Variants in AGBL1 observed in about 807,000 individuals in gnomAD.
The protein encoded by AGBL1 is AGBL carboxypeptidase 1.
AGBL1 carries 130 observed loss-of-function variants against 118.9 expected under a neutral mutation model. That is an observed-to-expected ratio of 1.09 (90% CI 0.95 to 1.26). The LOEUF is 1.26. AGBL1 is among the 50% of genes most tolerant of loss of function. The pLI is 0.00. For synonymous variants in AGBL1, 555 were observed against 478.9 expected (o/e 1.16, Z -2.08); for missense variants, 1,584 against 1,298.1 (o/e 1.22, Z -3.38).
chr15:87,004,735 T>C (rs900474381), intron 24 of AGBL1, among the ~76,000 whole-genome samples: 1 of 152,220 alleles, frequency 6.6e-6, no homozygotes, highest in Non-Finnish European at 1.5e-5. Flanking sequence ...GTCATTATGA[T>C]GTTAGCTGGT....
At chr15:86,151,240 T>C (rs1219912375) in intron 3 of AGBL1, among the ~76,000 whole-genome samples, 10 of 150,912 alleles carry the variant, frequency 6.6e-5, no homozygotes. Context: ...GCATGGCACG[T>C]GTATACATAT....
At chr15:86,814,980 T>C (rs552075898) in intron 22 of AGBL1, among the ~76,000 whole-genome samples, 1 of 152,336 alleles carries the variant, frequency 6.6e-6, no homozygotes, top group African/African-American at 2.4e-5. Context: ...TTTAGTTTCT[T>C]GTGTCCCTGT....
At chr15:86,511,274 A>AT (rs1477857470) in intron 18 of AGBL1, among the ~76,000 whole-genome samples, 2 of 152,036 alleles carry the variant, frequency 1.3e-5, no homozygotes, top group Admixed American at 1.3e-4. Context: ...CATCCCATCC[A>AT]TTTTTAAAAT....
chr15:86,262,707 C>T, intron 9 of AGBL1, 71 bp from the exon 10 acceptor site: 1 of 1,011,462 alleles, frequency 9.9e-7, no homozygotes, highest in Non-Finnish European at 1.5e-6. Flanking sequence ...GAAGCACATA[C>T]ATATCATGTC....
chr15:86,409,271 G>T (rs569699980), intron 18 of AGBL1, among the ~76,000 whole-genome samples: 120 of 152,288 alleles, frequency 7.9e-4, no homozygotes, highest in African/African-American at 2.8e-3. Context: ...AGCACTGAGG[G>T]CCCTGGTTCT....
intron 23 of AGBL1, among the ~76,000 whole-genome samples, chr15:86,985,103 T>C (rs2081268451): frequency 6.6e-6 from 1 of 152,352 alleles, no homozygotes; most frequent in Non-Finnish European, 1.5e-5. Flanking sequence ...AGTAGTACAT[T>C]GTGTAGATAT....
At chr15:86,582,842 C>T (rs1437040058) in intron 21 of AGBL1, among the ~76,000 whole-genome samples, 4 of 141,756 alleles carry the variant, frequency 2.8e-5, no homozygotes, top group Non-Finnish European at 6.0e-5. Context: ...AGGGGAACAT[C>T]ACACACCGGA....
intron 19 of AGBL1, among the ~76,000 whole-genome samples, chr15:86,527,807 C>T (rs921865084): frequency 6.6e-6 from 1 of 152,174 alleles, no homozygotes; most frequent in African/African-American, 2.4e-5. Flanking sequence ...AAGCAGTACC[C>T]TGAGAGCGTT....
At chr15:86,224,006 A>T (rs1444456689) in intron 5 of AGBL1, among the ~76,000 whole-genome samples, 1 of 152,118 alleles carries the variant, frequency 6.6e-6, no homozygotes, top group African/African-American at 2.4e-5. Flanking sequence ...AGCTCTGCTG[A>T]CATGTCTGTA....
chr15:87,026,131 A>G (rs568159864), intron 24 of AGBL1, among the ~76,000 whole-genome samples: 5 of 152,094 alleles, frequency 3.3e-5, no homozygotes, highest in Admixed American at 1.3e-4. Flanking sequence ...AAACACAAAT[A>G]CAATAATAAC....
rs1396777054 is a variant in AGBL1, at chr15:86,257,006, G to C, written c.889G>C (p.Asp297His). 6.8e-6 allele frequency: 11 copies of C among 1,613,596 alleles called. No homozygotes were observed. Among genetic ancestry groups the C allele is most frequent in the Non-Finnish European group, 8.5e-6 (10 of 1,179,792 alleles). The change falls in exon 8 of 23, where the codon GAT becomes CAT. Residue 297 changes from aspartate to histidine, a missense_variant. Transcript: ENST00000614907. The part of the protein sequence containing the change: ...PGCITTEPPH[D>H]LPEEDFEDDG... ...GTGCATCACCACTGAACCTCCACAT[G>C]ATCTACCTGAAGGTAAAATAAGTTG...
intron 22 of AGBL1, among the ~76,000 whole-genome samples, chr15:86,787,821 G>A (rs530175719): frequency 6.6e-6 from 1 of 152,004 alleles, no homozygotes; most frequent in Non-Finnish European, 1.5e-5. Flanking sequence ...GGTCACTTAG[G>A]TTTCTTCTTC....
intron 22 of AGBL1, among the ~76,000 whole-genome samples, chr15:86,749,525 T>C (rs1402071983): frequency 3.9e-5 from 6 of 152,034 alleles, no homozygotes; most frequent in Non-Finnish European, 7.4e-5. Context: ...CTAATTGCCC[T>C]GGCCAGAACT....
chr15:86,131,473 C>T (rs902312176), intron 1 of AGBL1, among the ~76,000 whole-genome samples: 1 of 151,966 alleles, frequency 6.6e-6, no homozygotes, highest in Non-Finnish European at 1.5e-5. Flanking sequence ...TTTCAAAATT[C>T]AATTTGTAAA....
chr15:86,394,228 G>A (rs184285589), intron 17 of AGBL1, among the ~76,000 whole-genome samples: 26 of 152,218 alleles, frequency 1.7e-4, no homozygotes, highest in Middle Eastern at 3.4e-3. Context: ...AATTCACTAT[G>A]CTGTACTGTC....
chr15:86,348,495 G>A (rs2080574341), intron 17 of AGBL1, among the ~76,000 whole-genome samples: 2 of 152,142 alleles, frequency 1.3e-5, no homozygotes, highest in South Asian at 4.1e-4. Context: ...GAATAGGGAG[G>A]AGGGCCAGGC....
At chr15:86,089,207 T>A (rs890756470) in intron 1 of AGBL1, among the ~76,000 whole-genome samples, 2 of 152,252 alleles carry the variant, frequency 1.3e-5, no homozygotes, top group Non-Finnish European at 2.9e-5. Context: ...TTGTGACTGT[T>A]GACTTTCTCT....
intron 22 of AGBL1, among the ~76,000 whole-genome samples, chr15:86,844,482 T>A (rs1207630388): frequency 6.6e-6 from 1 of 152,190 alleles, no homozygotes; most frequent in African/African-American, 2.4e-5. Context: ...GCATCTTTTC[T>A]TATGCCTGTT....
chr15:86,606,419 G>T (rs1392373795), intron 21 of AGBL1, among the ~76,000 whole-genome samples: 1 of 152,108 alleles, frequency 6.6e-6, no homozygotes, highest in Non-Finnish European at 1.5e-5. Context: ...AATTATCTTC[G>T]TCTAAGTTAC....
Sources: gnomAD v4.1 joint callset for allele counts (sites outside exome capture counted in the v4.1 genomes callset) on GRCh38, gnomAD v4.1.1 for gene constraint, MANE v1.5 for transcripts, NCBI Gene and HGNC (gene_info 2026-07-23, HGNC 2026-07-21) for gene names.